The following ZCWPW2 variants were observed in gnomAD, a reference collection of about 807,000 sequenced individuals.
ZCWPW2 encodes zinc finger CW-type PWWP domain protein 2.
Under a neutral mutation model 46.6 loss-of-function variants are expected in ZCWPW2, and 45 were observed. The observed-to-expected ratio is 0.96, with a 90% CI of 0.76 to 1.24. The LOEUF is 1.24. ZCWPW2 is among the 50% of genes most tolerant of loss of function. ZCWPW2 has a pLI of 0.00. For synonymous variants in ZCWPW2, 152 were observed against 137.1 expected, an observed-to-expected ratio of 1.11 and a Z score of -0.76; for missense variants, 429 against 403.9, an observed-to-expected ratio of 1.06 and a Z score of -0.53.
intron 1 of ZCWPW2, among the ~76,000 whole-genome samples, chr3:28,367,778 C>G (rs1705176678): frequency 2.0e-5 from 3 of 152,136 alleles, no homozygotes; most frequent in Admixed American, 2.0e-4. Flanking sequence ...GTGTGGGAGT[C>G]TAAGTCTCTT....
intron 3 of ZCWPW2, chr3:28,428,339 T>C (rs7651883): frequency 0.54 from 82,011 of 151,874 alleles, 22,698 homozygotes; most frequent in African/African-American, 0.6. Context: ...TCTTCTAAAA[T>C]CTATGACTGC....
intron 6 of ZCWPW2, among the ~76,000 whole-genome samples, chr3:28,500,557 A>G (rs1168054740): frequency 6.6e-6 from 1 of 152,098 alleles, no homozygotes; most frequent in African/African-American, 2.4e-5. Flanking sequence ...TTCTTGATTT[A>G]TACATTTCGA....
At chr3:28,484,389 C>A (rs1241308039) in intron 5 of ZCWPW2, among the ~76,000 whole-genome samples, 1 of 152,124 alleles carries the variant, frequency 6.6e-6, no homozygotes, top group African/African-American at 2.4e-5. Context: ...TAGCATTCAC[C>A]AGTGAACCCA....
In ZCWPW2 at chr3:28,381,025, GTATATATATATATATATATT is replaced by G. The variant is rs1559480936; in HGVS notation, c.-133-9471_-133-9452del. Among the ~76,000 whole-genome samples, 63 of 7,018 alleles carry G rather than the reference GTATATATATATATATATATT, an allele frequency of 9.0e-3. 8 individuals are homozygous for G. The highest frequency in any genetic ancestry group is 0.05 in the African/African-American group (60 of 1,192). The allele number at this position is 7,018 out of a possible 152,430, so 4.6% of individuals were successfully genotyped here. ...GTATATATATATATATATATATTTGGTATATATATATATATATATTTGGTGTATATATATATATATATATA... is the reference window on the plus strand; with the variant it reads ...GTATATATATATATATATATATTTGGTGGTGTATATATATATATATATATA... On this transcript the variant is annotated intron_variant, in intron 1 of 9. Transcript: ENST00000383768.
chr3:28,356,620 A>T (rs559726517), intron 1 of ZCWPW2, among the ~76,000 whole-genome samples: 1 of 152,340 alleles, frequency 6.6e-6, no homozygotes, highest in South Asian at 2.1e-4. Flanking sequence ...TCCATCAGTG[A>T]TAAACTGGAT....
intron 1 of ZCWPW2, among the ~76,000 whole-genome samples, chr3:28,378,687 G>A (rs539762197): frequency 3.8e-4 from 58 of 152,060 alleles, no homozygotes; most frequent in Non-Finnish European, 7.2e-4. Flanking sequence ...TAAATATTTT[G>A]AATATCAGCA....
intron 4 of ZCWPW2, among the ~76,000 whole-genome samples, chr3:28,451,987 C>A (rs1698241815): frequency 6.6e-6 from 1 of 152,198 alleles, no homozygotes; most frequent in South Asian, 2.1e-4. Flanking sequence ...TTATTAGATT[C>A]AACCTTTGTT....
chr3:28,497,217 CT>C (rs969830234), intron 6 of ZCWPW2, among the ~76,000 whole-genome samples: 1 of 150,488 alleles, frequency 6.6e-6, no homozygotes, highest in Non-Finnish European at 1.5e-5. Context: ...TGTTTTCTTA[CT>C]TGTGAACCAG....
chr3:28,429,014 G>C (rs1319036673), intron 3 of ZCWPW2, among the ~76,000 whole-genome samples: 2 of 152,160 alleles, frequency 1.3e-5, no homozygotes, highest in Admixed American at 6.5e-5. Context: ...ACCACACAGA[G>C]TGGGCTGCTG....
At chr3:28,468,511 C>T (rs1360084648) in intron 4 of ZCWPW2, among the ~76,000 whole-genome samples, 1 of 152,018 alleles carries the variant, frequency 6.6e-6, no homozygotes, top group African/African-American at 2.4e-5. Flanking sequence ...TACTTCAGGG[C>T]ATTTAATAAT....
intron 1 of ZCWPW2, among the ~76,000 whole-genome samples, chr3:28,364,839 G>C (rs566666329): frequency 2.1e-4 from 32 of 152,160 alleles, no homozygotes; most frequent in Admixed American, 5.2e-4. Context: ...ATTGTTTCCT[G>C]ACTTTTAATG....
At chr3:28,403,947 G>T (rs1268250448) in intron 2 of ZCWPW2, among the ~76,000 whole-genome samples, 4 of 152,106 alleles carry the variant, frequency 2.6e-5, no homozygotes, top group East Asian at 1.9e-4. Flanking sequence ...AATTCTAGAA[G>T]ATAATATTGG....
intron 2 of ZCWPW2, among the ~76,000 whole-genome samples, chr3:28,399,371 G>A (rs1250646031): frequency 6.6e-6 from 1 of 152,042 alleles, no homozygotes; most frequent in Non-Finnish European, 1.5e-5. Flanking sequence ...AAGACAAATG[G>A]CATATACTCT....
intron 4 of ZCWPW2, among the ~76,000 whole-genome samples, chr3:28,474,586 CGT>C (rs71087699): frequency 0.21 from 28,505 of 135,938 alleles, 3,100 homozygotes; most frequent in South Asian, 0.34. Context: ...TTAAATACAG[CGT>C]GTGTGTGTGT....
chr3:28,375,129 T>A (rs1361967790), intron 1 of ZCWPW2, among the ~76,000 whole-genome samples: 1 of 152,056 alleles, frequency 6.6e-6, no homozygotes, highest in Non-Finnish European at 1.5e-5. Context: ...GTATTTTTCC[T>A]GATGTAAGTA....
chr3:28,367,217 G>GTTCTTTTAA (rs1705152582), intron 1 of ZCWPW2, among the ~76,000 whole-genome samples: 2 of 152,052 alleles, frequency 1.3e-5, no homozygotes, highest in Admixed American at 1.3e-4. Context: ...TGCTTCTCTA[G>GTTCTTTTAA]TTCTTTTAAT....
intron 7 of ZCWPW2, 38 bp from the exon 8 acceptor site, chr3:28,515,516 G>A (rs771104205): frequency 1.4e-6 from 2 of 1,459,224 alleles, no homozygotes; most frequent in South Asian, 2.4e-5. Flanking sequence ...ATTCATGATT[G>A]ATCTTTTGAA....
intron 5 of ZCWPW2, among the ~76,000 whole-genome samples, chr3:28,482,279 C>T (rs1009226037): frequency 6.6e-6 from 1 of 152,116 alleles, no homozygotes; most frequent in Admixed American, 6.6e-5. Flanking sequence ...GTTTCTTTCT[C>T]TTAGTAATAT....
chr3:28,422,475 T>G (rs1696832461), intron 3 of ZCWPW2, among the ~76,000 whole-genome samples: 1 of 152,216 alleles, frequency 6.6e-6, no homozygotes, highest in Non-Finnish European at 1.5e-5. Flanking sequence ...TTGTATAGTA[T>G]TTAGCCTTTT....
Sources: gnomAD v4.1 joint callset for allele counts (sites outside exome capture counted in the v4.1 genomes callset) on GRCh38, gnomAD v4.1.1 for gene constraint, MANE v1.5 for transcripts, NCBI Gene and HGNC (gene_info 2026-07-23, HGNC 2026-07-21) for gene names.